Variants in CCDC178 observed in about 807,000 individuals in gnomAD.
CCDC178 encodes the protein coiled-coil domain containing 178, also known as coiled-coil domain-containing protein 178.
A neutral mutation model predicts 117.4 loss-of-function variants in CCDC178; 126 were observed. The ratio of observed to expected loss-of-function variants is 1.07; its 90% CI spans 0.93 to 1.24. The LOEUF (loss-of-function observed/expected upper bound fraction) is 1.24, where lower values mean the gene tolerates loss of function less well. Ranked by LOEUF, CCDC178 falls within the 50% of genes most tolerant of loss-of-function variation. The probability of loss-of-function intolerance (pLI) is 0.00; values close to 1 mark genes in which losing one functional copy is unlikely to be tolerated. For missense variants in CCDC178, 1,030 were observed against 986.9 expected, an observed-to-expected ratio of 1.04 and a Z score of -0.59; for synonymous variants, 283 against 313.4, an observed-to-expected ratio of 0.90 and a Z score of 1.02.
intron 2 of CCDC178, among the ~76,000 whole-genome samples, chr18:33,430,362 T>C (rs2064192161): frequency 6.6e-6 from 1 of 152,226 alleles, no homozygotes; most frequent in South Asian, 2.1e-4. Flanking sequence ...TATTTTGGGA[T>C]TGTGGTAGAA....
At chr18:33,361,104 T>G (rs1599219623) in intron 6 of CCDC178, among the ~76,000 whole-genome samples, 1 of 151,530 alleles carries the variant, frequency 6.6e-6, no homozygotes, top group East Asian at 1.9e-4. Flanking sequence ...TACAAAGCAA[T>G]CATAATCAAA....
At chr18:33,249,407 C>T (rs1451502188) in intron 14 of CCDC178, among the ~76,000 whole-genome samples, 3 of 152,040 alleles carry the variant, frequency 2.0e-5, no homozygotes, top group Non-Finnish European at 2.9e-5. Context: ...TTAGGTCTAA[C>T]ATTTAAGTCT....
At chr18:33,103,849 T>C (rs1277499699) in intron 20 of CCDC178, among the ~76,000 whole-genome samples, 1 of 151,780 alleles carries the variant, frequency 6.6e-6, no homozygotes, top group Non-Finnish European at 1.5e-5. Flanking sequence ...TTTAATTTCA[T>C]GGGCAGCATA....
Position 33,333,229 on chromosome 18 carries a change from G to A in CCDC178, c.824C>T (p.Ser275Phe). 1 of 1,611,500 alleles carries A rather than the reference G, an allele frequency of 6.2e-7. No homozygotes were observed. ...ATCTTGAAGTTCCTGATTCTGCTTA[G>A]AGTCCAGTAGAGGGCCATGTTCATT... The part of the protein sequence containing the change: ...YMNEHGPLLD[S>F]KQNQELQDLK... Residue 275 changes from serine to phenylalanine, a missense_variant, in exon 10 of 23, where the codon TCT (serine) becomes TTT (phenylalanine). Ser to Phe is a radical substitution (Grantham distance 155, BLOSUM62 -2). Transcript: ENST00000383096.
chr18:33,331,666 T>C (rs930980681), intron 10 of CCDC178, among the ~76,000 whole-genome samples: 25 of 152,070 alleles, frequency 1.6e-4, no homozygotes, highest in African/African-American at 6.0e-4. Flanking sequence ...ACCTGACACA[T>C]TGTCACCCAA....
chr18:33,385,682 G>A (rs1159923985), intron 5 of CCDC178, among the ~76,000 whole-genome samples: 1 of 152,122 alleles, frequency 6.6e-6, no homozygotes, highest in East Asian at 1.9e-4. Context: ...AAGCAACAAT[G>A]TATCAGAATC....
chr18:32,940,399 T>C lies in CCDC178; in HGVS notation c.2524-2308A>G, dbSNP rs559651459. Reference sequence around the variant, plus strand: ...GCAGATATTAGATCTCATAATATAATTTACTGATTGATACCAGAGACAAAA... The same window carrying C: ...GCAGATATTAGATCTCATAATATAACTTACTGATTGATACCAGAGACAAAA... On this transcript the variant is annotated intron_variant, in intron 22 of 22. Coordinates refer to ENST00000383096, the MANE Select transcript of CCDC178 (RefSeq NM_001105528.4). Among the ~76,000 whole-genome samples, 11 of 152,180 alleles carry C rather than the reference T, an allele frequency of 7.2e-5. No homozygotes were observed. In the East Asian group the frequency reaches 1.9e-3, roughly 27 times the overall value.
intron 21 of CCDC178, among the ~76,000 whole-genome samples, chr18:33,076,733 C>T (rs540330737): frequency 4.1e-4 from 63 of 152,280 alleles, no homozygotes; most frequent in African/African-American, 1.5e-3. Flanking sequence ...TGTCATGCTA[C>T]CATATTTTCC....
At chr18:33,432,257 A>T (rs896868117) in intron 2 of CCDC178, among the ~76,000 whole-genome samples, 1 of 152,138 alleles carries the variant, frequency 6.6e-6, no homozygotes, top group Non-Finnish European at 1.5e-5. Context: ...GGCACCACAG[A>T]ATTGGAATTT....
In CCDC178 at chr18:33,388,519, A is replaced by ATTTTTTTTTTTTTTTTTTTTTTT. The variant is rs71159828; in HGVS notation, c.208+1020_208+1021insAAAAAAAAAAAAAAAAAAAAAAA. On this transcript the variant is annotated intron_variant, in intron 5 of 22. Transcript: ENST00000383096. ...AAATGTGGTACATATACACCACGGA[A>ATTTTTTTTTTTTTTTTTTTTTTT]TTTTTTTTTTTTTTTTTTGAGACGG... Among the ~76,000 whole-genome samples, 4 of 65,264 alleles carry ATTTTTTTTTTTTTTTTTTTTTTT rather than the reference A, an allele frequency of 6.1e-5. 1 individual carries two copies. The highest frequency in any genetic ancestry group is 7.8e-5 in the Non-Finnish European group (3 of 38,658). The allele number at this position is 65,264 out of a possible 152,430, so 42.8% of individuals were successfully genotyped here.
At chr18:33,071,043 A>G (rs955035542) in intron 21 of CCDC178, among the ~76,000 whole-genome samples, 3 of 152,126 alleles carry the variant, frequency 2.0e-5, no homozygotes, top group African/African-American at 7.2e-5. Flanking sequence ...AAATACAAGA[A>G]AGAGAAAATA....
At chr18:33,193,607 G>A (rs550370103) in intron 20 of CCDC178, among the ~76,000 whole-genome samples, 6 of 152,018 alleles carry the variant, frequency 3.9e-5, no homozygotes, top group African/African-American at 9.7e-5. Context: ...ATAGAATTCC[G>A]GATCAGTTCA....
At position 33,001,429 on chromosome 18, in the gene CCDC178, C is replaced by T. The variant is rs553446419; in HGVS notation, c.2389-26748G>A. ...TTGGGAGGCTGAGGCAGGAGAATGG[C>T]GTGAACCGGGGAGGCAGAGTTTGCA... On this transcript the variant is annotated intron_variant, in intron 21 of 22. Transcript: ENST00000383096. Among the ~76,000 whole-genome samples, 38 of 151,408 alleles carry T rather than the reference C, an allele frequency of 2.5e-4. No homozygotes were observed. In the East Asian group the frequency reaches 6.0e-3, roughly 24 times the overall value.
chr18:33,353,268 C>G (rs1289865792), intron 7 of CCDC178, among the ~76,000 whole-genome samples: 1 of 151,926 alleles, frequency 6.6e-6, no homozygotes, highest in Non-Finnish European at 1.5e-5. Flanking sequence ...GTTTTTCATC[C>G]TTCCACTTTT....
chr18:32,996,701 T>C (rs1248073611), intron 21 of CCDC178, among the ~76,000 whole-genome samples: 2 of 151,952 alleles, frequency 1.3e-5, no homozygotes, highest in Non-Finnish European at 2.9e-5. Context: ...TTGATTCTGG[T>C]ATAGGCAAGT....
At chr18:32,980,476 CAGG>C (rs1205769642) in intron 21 of CCDC178, among the ~76,000 whole-genome samples, 1 of 144,698 alleles carries the variant, frequency 6.9e-6, no homozygotes, top group African/African-American at 2.6e-5. Context: ...GAGGCTGAAG[CAGG>C]AGAATGGCGT....
At chr18:33,254,289 CA>C (rs1375309951) in intron 14 of CCDC178, among the ~76,000 whole-genome samples, 1 of 151,216 alleles carries the variant, frequency 6.6e-6, no homozygotes, top group Non-Finnish European at 1.5e-5. Context: ...CACACACACA[CA>C]CACACACACA....
intron 11 of CCDC178, among the ~76,000 whole-genome samples, chr18:33,314,288 G>C (rs1192513487): frequency 6.8e-6 from 1 of 146,150 alleles, no homozygotes. Flanking sequence ...TAATAGACTA[G>C]CATTCAAATC....
intron 11 of CCDC178, among the ~76,000 whole-genome samples, chr18:33,320,157 G>T (rs2062484990): frequency 6.6e-6 from 1 of 152,100 alleles, no homozygotes; most frequent in East Asian, 1.9e-4. Flanking sequence ...CCAAAAACTG[G>T]ACTCATTGCC....
Sources: gnomAD v4.1 joint callset for allele counts (sites outside exome capture counted in the v4.1 genomes callset) on GRCh38, gnomAD v4.1.1 for gene constraint, MANE v1.5 for transcripts, NCBI Gene and HGNC (gene_info 2026-07-23, HGNC 2026-07-21) for gene names.